SASH1: variants seen among roughly 807,000 people sequenced by gnomAD.
The protein encoded by SASH1 is SAM and SH3 domain containing 1, also known as SAM and SH3 domain-containing protein 1.
Under a neutral mutation model 125.2 loss-of-function variants are expected in SASH1, and 44 were observed. That is an observed-to-expected ratio of 0.35 (90% CI 0.28 to 0.45). The LOEUF is 0.45. SASH1 is among the 20% of genes least tolerant of loss of function. The probability of loss-of-function intolerance (pLI) is 1.00; values close to 1 mark genes in which losing one functional copy is unlikely to be tolerated. For missense variants in SASH1, 1,426 were observed against 1,614.5 expected, an observed-to-expected ratio of 0.88 and a Z score of 2.00; for synonymous variants, 639 against 649.1, an observed-to-expected ratio of 0.98 and a Z score of 0.24.
intron 1 of SASH1, among the ~76,000 whole-genome samples, chr6:148,311,469 A>C (rs1316714243): frequency 6.6e-6 from 1 of 152,010 alleles, no homozygotes; most frequent in African/African-American, 2.4e-5. Context: ...CACCAATCCC[A>C]CTTCTAGGTA....
chr6:148,267,769 T>A (rs1223722681), upstream of SASH1, among the ~76,000 whole-genome samples: 1 of 152,140 alleles, frequency 6.6e-6, no homozygotes, highest in East Asian at 1.9e-4. Flanking sequence ...ACCTTCCCAA[T>A]GATAAGGAGC....
intron 10 of SASH1, among the ~76,000 whole-genome samples, chr6:148,524,140 C>A: frequency 8.2e-6 from 1 of 122,034 alleles, no homozygotes; most frequent in African/African-American, 2.8e-5. Context: ...AATGAATAAG[C>A]AATGCTTATA....
upstream of SASH1, among the ~76,000 whole-genome samples, chr6:148,339,295 C>G (rs975826630): frequency 6.6e-6 from 1 of 151,966 alleles, no homozygotes; most frequent in African/African-American, 2.4e-5. Flanking sequence ...CCTTCTGCCT[C>G]GGCCTCCCAA....
At chr6:148,456,033 G>A (rs1428339929) in intron 4 of SASH1, among the ~76,000 whole-genome samples, 2 of 152,170 alleles carry the variant, frequency 1.3e-5, no homozygotes, top group Non-Finnish European at 2.9e-5. Flanking sequence ...GCTGCACAAC[G>A]GCCTGCGTGG....
intron 1 of SASH1, among the ~76,000 whole-genome samples, chr6:148,290,638 G>A (rs913590584): frequency 2.6e-5 from 4 of 151,906 alleles, no homozygotes; most frequent in African/African-American, 9.7e-5. Flanking sequence ...GGTGCAAGAT[G>A]TGCTTTGTTA....
intron 1 of SASH1, among the ~76,000 whole-genome samples, chr6:148,297,035 G>C (rs906326689): frequency 6.6e-5 from 10 of 152,198 alleles, no homozygotes; most frequent in Non-Finnish European, 1.2e-4. Context: ...CTTTACTGTT[G>C]CATTCTTAAA....
At chr6:148,234,829 G>GAAA in the SASH1 span, among the ~76,000 whole-genome samples, 1 of 128,990 alleles carries the variant, frequency 7.8e-6, no homozygotes, top group African/African-American at 2.9e-5. Context: ...CTCCGTTTCA[G>GAAA]AAAAAAAAAA....
At chr6:148,297,390 C>T (rs950067061) in intron 1 of SASH1, among the ~76,000 whole-genome samples, 1 of 152,020 alleles carries the variant, frequency 6.6e-6, no homozygotes, top group South Asian at 2.1e-4. Flanking sequence ...ATTGTGACAA[C>T]ACTTTAAGAT....
chr6:148,460,373 T>C (rs1777558284), intron 4 of SASH1, among the ~76,000 whole-genome samples: 1 of 152,148 alleles, frequency 6.6e-6, no homozygotes, highest in Non-Finnish European at 1.5e-5. Flanking sequence ...AGAATTTAGA[T>C]CTTTCAGTGT....
chr6:148,366,411 G>A (rs1221633892), intron 1 of SASH1, among the ~76,000 whole-genome samples: 1 of 152,186 alleles, frequency 6.6e-6, no homozygotes, highest in Non-Finnish European at 1.5e-5. Context: ...CTTGGAAGGA[G>A]ACGAGCAGAC....
rs1038111065 is a variant in SASH1 at position 148,348,961 on chromosome 6, G to A, written c.156+5738G>A. Among the ~76,000 whole-genome samples, 11 of 152,326 alleles carry A rather than the reference G, an allele frequency of 7.2e-5. 1 individual carries two copies. The highest frequency in any genetic ancestry group is 4.1e-4 in the South Asian group (2 of 4,828). Reference sequence around the variant, plus strand: ...CACTCAGGATCAGCAACCCAGGAGCGTCTGGGCGGCCCCTACCAGACATAC... The same window carrying A: ...CACTCAGGATCAGCAACCCAGGAGCATCTGGGCGGCCCCTACCAGACATAC... On this transcript the variant is annotated intron_variant, in intron 1 of 19. Transcript: ENST00000367467.
chr6:148,201,480 C>T, the SASH1 span, among the ~76,000 whole-genome samples: 3 of 152,094 alleles, frequency 2.0e-5, no homozygotes, highest in African/African-American at 7.2e-5. Context: ...GCATCTCCCC[C>T]CAGAGTTTCT....
the SASH1 span, among the ~76,000 whole-genome samples, chr6:148,227,669 T>C: frequency 2.0e-5 from 3 of 152,296 alleles, no homozygotes; most frequent in South Asian, 6.2e-4. Flanking sequence ...CCAGGAAATA[T>C]TTATTGAATA....
intron 2 of SASH1, among the ~76,000 whole-genome samples, chr6:148,434,932 C>T (rs1349011748): frequency 8.5e-5 from 13 of 152,084 alleles, no homozygotes. Context: ...TAGCCAGGTG[C>T]AGGGGCTTAT....
the SASH1 span, among the ~76,000 whole-genome samples, chr6:148,235,796 C>A: frequency 1.3e-5 from 2 of 152,150 alleles, no homozygotes; most frequent in African/African-American, 4.8e-5. Context: ...TCCACAATGG[C>A]CTTAAATTTT....
the SASH1 span, among the ~76,000 whole-genome samples, chr6:148,216,512 A>G: frequency 6.6e-6 from 1 of 152,302 alleles, no homozygotes; most frequent in Non-Finnish European, 1.5e-5. Flanking sequence ...AACAAAAACA[A>G]AAAACAATGG....
intron 1 of SASH1, among the ~76,000 whole-genome samples, chr6:148,309,691 T>C (rs1052056462): frequency 6.6e-6 from 1 of 151,046 alleles, no homozygotes; most frequent in Non-Finnish European, 1.5e-5. Context: ...AAAAGCTAGT[T>C]CCTCTCTCCT....
chr6:148,383,131 T>C (rs1256984743), intron 1 of SASH1, among the ~76,000 whole-genome samples: 1 of 152,200 alleles, frequency 6.6e-6, no homozygotes, highest in Non-Finnish European at 1.5e-5. Context: ...AGGGATTCAA[T>C]GAGGCCGAAC....
chr6:148,481,261 C>T (rs1007452984), intron 7 of SASH1, among the ~76,000 whole-genome samples: 28 of 152,156 alleles, frequency 1.8e-4, no homozygotes, highest in Non-Finnish European at 3.7e-4. Context: ...CTGGATTCGG[C>T]GTTGGCTTAC....
Sources: allele counts gnomAD v4.1 joint callset (sites outside exome capture counted in the v4.1 genomes callset), GRCh38; gene constraint gnomAD v4.1.1; transcripts MANE v1.5; gene names NCBI Gene and HGNC (gene_info 2026-07-23, HGNC 2026-07-21).